The following PRORP variants were observed in gnomAD, a reference collection of about 807,000 sequenced individuals.
PRORP encodes the protein protein only RNase P catalytic subunit.
In PRORP, 51 loss-of-function variants were observed where a neutral mutation model predicts 59.4. The observed-to-expected ratio is 0.86, with a 90% CI of 0.69 to 1.08. The LOEUF is 1.08. PRORP is among the 50% of genes least tolerant of loss of function. The pLI is 0.00. For synonymous variants in PRORP, 231 were observed against 245.6 expected (o/e 0.94, Z 0.55); for missense variants, 646 against 690.3 (o/e 0.94, Z 0.72).
At chr14:35,256,953 A>ACCT (rs1215257313) in intron 5 of PRORP, among the ~76,000 whole-genome samples, 1 of 143,908 alleles carries the variant, frequency 6.9e-6, no homozygotes, top group Non-Finnish European at 1.5e-5. Context: ...GCTCACTGCA[A>ACCT]CCTCCTCCTC....
chr14:35,229,514 T>G (rs1270402640), intron 5 of PRORP, among the ~76,000 whole-genome samples: 5 of 152,240 alleles, frequency 3.3e-5, no homozygotes, highest in African/African-American at 1.2e-4. Context: ...CTGCTATGAC[T>G]GGCCAGCTAT....
At chr14:35,262,436 T>C in intron 5 of PRORP, 1 of 405,962 alleles carries the variant, frequency 2.5e-6, no homozygotes, top group Non-Finnish European at 4.6e-6. Flanking sequence ...AGAATAACTT[T>C]CTTTGCCATG....
At chr14:35,224,481 TTAGAGAGGCTAA>T (rs928479920) in intron 5 of PRORP, among the ~76,000 whole-genome samples, 16 of 152,330 alleles carry the variant, frequency 1.1e-4, no homozygotes, top group African/African-American at 3.8e-4. Context: ...AAAGTGAGGC[TTAGAGAGGCTAA>T]GTAACATCCC....
chr14:35,239,866 A>G (rs1202929853), intron 5 of PRORP, among the ~76,000 whole-genome samples: 1 of 152,082 alleles, frequency 6.6e-6, no homozygotes, highest in Non-Finnish European at 1.5e-5. Context: ...CCTGCGGTCA[A>G]GAGTTTGAGA....
At chr14:35,254,771 CT>C (rs2050707778) in intron 5 of PRORP, among the ~76,000 whole-genome samples, 1 of 152,200 alleles carries the variant, frequency 6.6e-6, no homozygotes, top group Non-Finnish European at 1.5e-5. Flanking sequence ...ATAAAGACCC[CT>C]GGGATCTAAC....
rs762721923 is a variant in PRORP at position 35,271,156 on chromosome 14, CT to C, written c.1620+580del. Among the ~76,000 whole-genome samples, 871 of 114,558 alleles carry C rather than the reference CT, an allele frequency of 7.6e-3. 6 individuals carry two copies. The highest frequency in any genetic ancestry group is 0.025 in the African/African-American group (745 of 29,632). The allele number at this position is 114,558 out of a possible 152,430, so 75.2% of individuals were successfully genotyped here. ...TTAATTATGTCACAAATTATGACTT[CT>C]TTTTTTTTTTTTTTTTTTTGAGACG... On this transcript the variant is annotated intron_variant, in intron 7 of 7. Coordinates refer to ENST00000534898, the MANE Select transcript of PRORP (RefSeq NM_014672.4).
intron 4 of PRORP, among the ~76,000 whole-genome samples, chr14:35,163,016 A>G (rs1391438397): frequency 6.6e-6 from 1 of 152,098 alleles, no homozygotes; most frequent in African/African-American, 2.4e-5. Flanking sequence ...GTATGACACT[A>G]TTTTGATTAT....
At chr14:35,230,147 G>A (rs1417472828) in intron 5 of PRORP, among the ~76,000 whole-genome samples, 1 of 150,318 alleles carries the variant, frequency 6.7e-6, no homozygotes, top group Non-Finnish European at 1.5e-5. Flanking sequence ...CTGCCTCCCA[G>A]GTTCAAGCAA....
chr14:35,198,629 T>C (rs2049064690), intron 5 of PRORP, among the ~76,000 whole-genome samples: 1 of 152,238 alleles, frequency 6.6e-6, no homozygotes, highest in South Asian at 2.1e-4. Flanking sequence ...CTTTAAAAGT[T>C]TGGTTACAAA....
In PRORP at chr14:35,259,663, G is replaced by A. The variant is rs1211003251; in HGVS notation, c.1276-7064G>A. On this transcript the variant is annotated intron_variant, in intron 5 of 7. Coordinates refer to ENST00000534898, the MANE Select transcript of PRORP (RefSeq NM_014672.4). Reference sequence around the variant, plus strand: ...TCCAGCACTTTGGGAGGCTGAGGTGGGTGGATCATTTGAGGTCAGGAATTC... The same window carrying A: ...TCCAGCACTTTGGGAGGCTGAGGTGAGTGGATCATTTGAGGTCAGGAATTC... 2.6e-5 allele frequency among the ~76,000 whole-genome samples: 4 copies of A among 152,162 alleles called. No homozygotes were observed. The East Asian group carries it at 7.7e-4, about 29-fold the overall frequency.
intron 4 of PRORP, among the ~76,000 whole-genome samples, chr14:35,154,404 G>A (rs1376494216): frequency 6.6e-6 from 1 of 152,110 alleles, no homozygotes; most frequent in African/African-American, 2.4e-5. Context: ...CTTGAGCAGA[G>A]CACATGACAC....
chr14:35,262,869 C>T, intron 5 of PRORP: 1 of 1,545,964 alleles, frequency 6.5e-7, no homozygotes, highest in Non-Finnish European at 8.9e-7. Context: ...TTCAGTATCT[C>T]AAGCCCAGAA....
chr14:35,155,951 G>C (rs145001394), intron 4 of PRORP, among the ~76,000 whole-genome samples: 275 of 152,254 alleles, frequency 1.8e-3, no homozygotes, highest in African/African-American at 6.4e-3. Context: ...TTCTATAAAG[G>C]TTTCCTACTG....
chr14:35,235,229 C>A (rs925591969), intron 5 of PRORP: 1 of 724,900 alleles, frequency 1.4e-6, no homozygotes, highest in Non-Finnish European at 2.5e-6. Flanking sequence ...CTTGGTGATG[C>A]GAGCCACAGA....
intron 4 of PRORP, among the ~76,000 whole-genome samples, chr14:35,135,905 C>T (rs2047360044): frequency 6.7e-6 from 1 of 149,586 alleles, no homozygotes; most frequent in Non-Finnish European, 1.5e-5. Flanking sequence ...TTGCAGTGAG[C>T]TGAGATCATG....
At chr14:35,151,673 C>T (rs900751691) in intron 4 of PRORP, among the ~76,000 whole-genome samples, 1 of 144,606 alleles carries the variant, frequency 6.9e-6, no homozygotes, top group Non-Finnish European at 1.6e-5. Flanking sequence ...CACACACACA[C>T]ACACAGAGCT....
At chr14:35,250,103 C>T (rs184070845) in intron 5 of PRORP, among the ~76,000 whole-genome samples, 2 of 152,104 alleles carry the variant, frequency 1.3e-5, no homozygotes, top group Admixed American at 1.3e-4. Flanking sequence ...CAAAAAATAG[C>T]TGGGCATGGT....
At chr14:35,238,754 A>T (rs1243398587) in intron 5 of PRORP, among the ~76,000 whole-genome samples, 2 of 152,180 alleles carry the variant, frequency 1.3e-5, no homozygotes, top group African/African-American at 4.8e-5. Flanking sequence ...TCTGCATTTT[A>T]TCTGAAGGGC....
intron 4 of PRORP, among the ~76,000 whole-genome samples, chr14:35,159,428 A>G (rs963306388): frequency 2.0e-5 from 3 of 152,012 alleles, no homozygotes; most frequent in African/African-American, 4.8e-5. Context: ...GTCTGCATTT[A>G]TCTTTTCTTC....
Sources: allele counts gnomAD v4.1 joint callset (sites outside exome capture counted in the v4.1 genomes callset), GRCh38; gene constraint gnomAD v4.1.1; transcripts MANE v1.5; gene names NCBI Gene and HGNC (gene_info 2026-07-23, HGNC 2026-07-21).